NLRP5: variants seen among roughly 807,000 people sequenced by gnomAD.
NLRP5 encodes NACHT, LRR and PYD domains-containing protein 5.
NLRP5 carries 93 observed loss-of-function variants against 113.1 expected under a neutral mutation model. That is an observed-to-expected ratio of 0.82 (90% confidence interval 0.70 to 0.98). The LOEUF (loss-of-function observed/expected upper bound fraction) is 0.98. Ranked by LOEUF, NLRP5 falls within the 50% of genes least tolerant of loss-of-function variation. The pLI, the probability that NLRP5 is intolerant of heterozygous loss-of-function variation, is 0.00. For missense variants in NLRP5, 1,808 were observed against 1,514.3 expected (o/e 1.19, Z -3.22); for synonymous variants, 751 against 600.7 (o/e 1.25, Z -3.66).
intron 3 of NLRP5, among the ~76,000 whole-genome samples, chr19:56,015,275 A>C (rs1982360828): frequency 6.6e-6 from 1 of 152,118 alleles, no homozygotes; most frequent in African/African-American, 2.4e-5. Flanking sequence ...GGCTCACTGA[A>C]ACCTCTGCCT....
chr19:56,009,821 C>A (rs62120414), intron 3 of NLRP5, among the ~76,000 whole-genome samples: 39,921 of 152,022 alleles, frequency 0.26, 5,793 homozygotes, highest in Non-Finnish European at 0.33. Flanking sequence ...TTTGATGGAG[C>A]TTTGCTCAGG....
Position 56,038,206 on chromosome 19 carries a change from C to T in NLRP5, c.2786+11C>T, listed in dbSNP as rs938584415. The T allele has an allele frequency of 5.6e-6, 9 of 1,612,266 alleles. No homozygotes were observed. The highest frequency in any genetic ancestry group is 7.6e-6 in the Non-Finnish European group (9 of 1,178,712). ...CCTGCAGAAGCTGATGTGAGTGCCA[C>T]TTCCTTTCCACCAGGATTATCGTAA... On this transcript the variant is annotated intron_variant, in intron 10 of 14. Transcript: ENST00000390649.
At chr19:56,013,743 G>A (rs1042433975) in intron 3 of NLRP5, among the ~76,000 whole-genome samples, 1 of 151,622 alleles carries the variant, frequency 6.6e-6, no homozygotes, top group African/African-American at 2.4e-5. Flanking sequence ...TTAACTTTTT[G>A]AGGAGCTCTG....
At chr19:56,045,815 GTTGA>G (rs1232756090) in intron 11 of NLRP5, among the ~76,000 whole-genome samples, 4 of 152,188 alleles carry the variant, frequency 2.6e-5, no homozygotes, top group Non-Finnish European at 4.4e-5. Context: ...ATGCCACAAG[GTTGA>G]TTGATCAGTT....
intron 1 of NLRP5, among the ~76,000 whole-genome samples, chr19:56,000,936 G>A (rs775103630): frequency 8.5e-4 from 130 of 152,072 alleles, no homozygotes; most frequent in Middle Eastern, 6.8e-3. Flanking sequence ...AACCCAGGAA[G>A]CAGAGGTTTG....
At chr19:56,055,764 C>T (rs1336999345) in intron 13 of NLRP5, among the ~76,000 whole-genome samples, 2 of 151,692 alleles carry the variant, frequency 1.3e-5, no homozygotes, top group Non-Finnish European at 2.9e-5. Flanking sequence ...CCAGGATGGT[C>T]TCAATCTCCT....
chr19:55,988,444 G>GTGTATATATA, the NLRP5 span: 1 of 106,488 alleles, frequency 9.4e-6, no homozygotes, highest in Non-Finnish European at 1.8e-5. Flanking sequence ...ATGTGTGTGT[G>GTGTATATATA]TATATATATA....
At chr19:55,992,237 C>T in the NLRP5 span, among the ~76,000 whole-genome samples, 175 of 152,148 alleles carry the variant, frequency 1.2e-3, no homozygotes, top group African/African-American at 4.1e-3. Flanking sequence ...CCATGGTGTA[C>T]GTGTACCACA....
chr19:56,003,298 T>C (rs1981727044), intron 1 of NLRP5, among the ~76,000 whole-genome samples: 1 of 152,172 alleles, frequency 6.6e-6, no homozygotes, highest in African/African-American at 2.4e-5. Flanking sequence ...ATTACAGGCA[T>C]GTGCCACCAC....
chr19:56,058,351 A>G lies in NLRP5; in HGVS notation c.3411A>G (p.Lys1137=). 1 of 1,614,024 alleles carries G rather than the reference A, an allele frequency of 6.2e-7. No homozygotes were observed. Among genetic ancestry groups the G allele is most frequent in the Non-Finnish European group, 8.5e-7 (1 of 1,179,884 alleles). The stretch of plus-strand genomic sequence containing the variant: ...TGGTGCAGAATAACTTCAGTCCCAA[A>G]GGAATGATGAAGCTGTGTTCGGCCT... The change falls in exon 14 of 15, where the codon AAA becomes AAG. Residue 1137 remains lysine, a synonymous_variant. Transcript: ENST00000390649.
chr19:55,998,658 A>ATGTATGTG (rs1555762359), upstream of NLRP5, among the ~76,000 whole-genome samples: 14 of 44,670 alleles, frequency 3.1e-4, no homozygotes, highest in African/African-American at 1.4e-3. Flanking sequence ...GTCTCAAAAT[A>ATGTATGTG]TGTGTGTGTG....
chr19:56,005,633 C>T (rs1408555867), intron 2 of NLRP5, among the ~76,000 whole-genome samples: 1 of 144,854 alleles, frequency 6.9e-6, no homozygotes, highest in Non-Finnish European at 1.5e-5. Flanking sequence ...TATACACACA[C>T]ACACACACAC....
At chr19:55,989,968 G>A in the NLRP5 span, among the ~76,000 whole-genome samples, 4,847 of 151,676 alleles carry the variant, frequency 0.032, 283 homozygotes, top group African/African-American at 0.11. Context: ...TGTGGACATT[G>A]TCAGCCTCAC....
At chr19:56,051,333 C>T (rs1361740385) in intron 12 of NLRP5, among the ~76,000 whole-genome samples, 1 of 152,168 alleles carries the variant, frequency 6.6e-6, no homozygotes, top group Non-Finnish European at 1.5e-5. Flanking sequence ...GCTGGGATTA[C>T]AGGCATGTGC....
chr19:55,995,925 G>GAGT (rs1981309739), upstream of NLRP5, among the ~76,000 whole-genome samples: 1 of 151,836 alleles, frequency 6.6e-6, no homozygotes. Context: ...GCATCATACT[G>GAGT]AGTTCATTTA....
intron 2 of NLRP5, among the ~76,000 whole-genome samples, chr19:56,005,105 A>ATAT (rs1441016805): frequency 1.3e-4 from 16 of 123,986 alleles, no homozygotes; most frequent in Admixed American, 4.4e-4. Context: ...AAAAAAAAAA[A>ATAT]AAATATATAT....
chr19:55,999,797 C>G (rs373971136), intron 1 of NLRP5: 43 of 1,610,540 alleles, frequency 2.7e-5, no homozygotes, highest in Non-Finnish European at 3.5e-5. Context: ...CGTCGACAGC[C>G]TCTTAGAGTT....
chr19:56,024,112 T>C (rs1982720288), intron 6 of NLRP5, among the ~76,000 whole-genome samples: 1 of 152,094 alleles, frequency 6.6e-6, no homozygotes, highest in African/African-American at 2.4e-5. Context: ...AAGTTTGTGA[T>C]AAATGTCAGG....
chr19:56,019,254 G>A (rs1982524345), intron 4 of NLRP5, 88 bp from the exon 5 acceptor site: 1 of 1,411,630 alleles, frequency 7.1e-7, no homozygotes, highest in Admixed American at 1.9e-5. Context: ...AAATAAATAT[G>A]GCATGACTAA....
Sources: allele counts gnomAD v4.1 joint callset (sites outside exome capture counted in the v4.1 genomes callset), GRCh38; gene constraint gnomAD v4.1.1; transcripts MANE v1.5; gene names NCBI Gene and HGNC (gene_info 2026-07-23, HGNC 2026-07-21).